USP40: variants seen among roughly 807,000 people sequenced by gnomAD.
The protein encoded by USP40 is ubiquitin specific peptidase 40, also known as ubiquitin carboxyl-terminal hydrolase 40.
USP40 carries 143 observed loss-of-function variants against 166.2 expected under a neutral mutation model. That is an observed-to-expected ratio of 0.86 (90% CI 0.75 to 0.99). The LOEUF is 0.99. USP40 is among the 50% of genes least tolerant of loss of function. The pLI is 0.00. For missense variants in USP40, 1,444 were observed against 1,479.7 expected, an observed-to-expected ratio of 0.98 and a Z score of 0.40; for synonymous variants, 498 against 524.0, an observed-to-expected ratio of 0.95 and a Z score of 0.68.
rs907762289 is a variant in USP40 at position 233,480,441 on chromosome 2, A to G, written c.3599+762T>C. Among the ~76,000 whole-genome samples, 1 of 152,090 alleles carries G rather than the reference A, an allele frequency of 6.6e-6. No homozygotes were observed. Among genetic ancestry groups the G allele is most frequent in the Non-Finnish European group, 1.5e-5 (1 of 68,022 alleles). Reference sequence around the variant, plus strand: ...GCTGATGCCACGGGCAGGTCCTGGGACTTGTGGTGGTGGTGAGCTGAGCAG... The same window carrying G: ...GCTGATGCCACGGGCAGGTCCTGGGGCTTGTGGTGGTGGTGAGCTGAGCAG... On this transcript the variant is annotated intron_variant, in intron 31 of 31. Transcript: ENST00000678225. This position sits in a 1 kb window ranked among gnomAD's most constrained non-coding sequence, Gnocchi z 4.5.
At chr2:233,478,481 C>G (rs2064329233) in intron 31 of USP40, among the ~76,000 whole-genome samples, 1 of 152,226 alleles carries the variant, frequency 6.6e-6, no homozygotes, top group African/African-American at 2.4e-5. Flanking sequence ...TTTCTATGAA[C>G]TGTTCATACC....
At chr2:233,549,053 A>G (rs1180555977) in intron 8 of USP40, 48 bp downstream of exon 8, 4 of 1,531,542 alleles carry the variant, frequency 2.6e-6, no homozygotes, top group Non-Finnish European at 3.5e-6. Context: ...AATAATAGGA[A>G]TAGAAAAGAA....
chr2:233,565,132 A>AT (rs796789295), intron 2 of USP40, among the ~76,000 whole-genome samples: 2 of 152,272 alleles, frequency 1.3e-5, no homozygotes, highest in African/African-American at 4.8e-5. Context: ...ATATTGCTTT[A>AT]TTTTTTTACT....
chr2:233,561,114 T>C (rs763451863), intron 3 of USP40: 10 of 1,544,552 alleles, frequency 6.5e-6, no homozygotes, highest in African/African-American at 1.4e-5. Flanking sequence ...TTAAAAAAAA[T>C]TTTCTGAATA....
intron 21 of USP40, among the ~76,000 whole-genome samples, chr2:233,506,213 A>G (rs1273413616): frequency 6.6e-6 from 1 of 152,186 alleles, no homozygotes; most frequent in Admixed American, 6.5e-5. Context: ...CAGCCAACTA[A>G]TTTTTGATAG....
intron 21 of USP40, among the ~76,000 whole-genome samples, chr2:233,504,527 A>C (rs1293182894): frequency 6.6e-6 from 1 of 152,010 alleles, no homozygotes; most frequent in Admixed American, 6.5e-5. Flanking sequence ...TAACTCAAAA[A>C]CTGTAAAAGG....
At chr2:233,544,093 G>C (rs1463075923) in intron 8 of USP40, among the ~76,000 whole-genome samples, 2 of 152,080 alleles carry the variant, frequency 1.3e-5, no homozygotes, top group African/African-American at 2.4e-5. Context: ...GGAGTCCCTA[G>C]GGTACTCACA....
intron 24 of USP40, among the ~76,000 whole-genome samples, chr2:233,495,495 G>A (rs1006956669): frequency 1.3e-5 from 2 of 151,806 alleles, no homozygotes; most frequent in East Asian, 1.9e-4. Context: ...GAGCTCAAGC[G>A]ATTTGCCTGC....
intron 21 of USP40, among the ~76,000 whole-genome samples, chr2:233,506,686 G>A (rs776820329): frequency 6.9e-6 from 1 of 145,254 alleles, no homozygotes; most frequent in African/African-American, 2.6e-5. Context: ...CTTGAGTTCA[G>A]TAGTTCAAGA....
At chr2:233,558,633 G>A (rs1034709670) in intron 4 of USP40, among the ~76,000 whole-genome samples, 2 of 152,162 alleles carry the variant, frequency 1.3e-5, no homozygotes, top group African/African-American at 2.4e-5. Context: ...TACTGCTAAC[G>A]GGTATGGAGT....
At chr2:233,494,919 TATA>T (rs1559223976) in intron 24 of USP40, among the ~76,000 whole-genome samples, 3,735 of 79,702 alleles carry the variant, frequency 0.047, 223 homozygotes, top group East Asian at 0.051. Flanking sequence ...AAATGGCATA[TATA>T]TATATATATA....
chr2:233,512,800 C>G (rs1575265605), intron 18 of USP40, 178 bp from the exon 19 acceptor site: 1 of 325,068 alleles, frequency 3.1e-6, no homozygotes. Context: ...AAACCAAAAA[C>G]CCCCCAACAA....
intron 30 of USP40, among the ~76,000 whole-genome samples, chr2:233,484,584 C>T (rs895585204): frequency 1.6e-4 from 24 of 151,962 alleles, no homozygotes; most frequent in African/African-American, 5.1e-4. Flanking sequence ...TCATCCCTAG[C>T]GATCCTCCTA....
intron 1 of USP40, 51 bp from the exon 2 acceptor site, chr2:233,565,624 C>CA: frequency 6.9e-7 from 1 of 1,444,538 alleles, no homozygotes; most frequent in Non-Finnish European, 9.3e-7. Flanking sequence ...AAATTTTCCC[C>CA]AAATCCCCCT....
Position 233,512,509 on chromosome 2 carries a change from A to G in USP40, c.2437+60T>C. The G allele has an allele frequency of 2.5e-6, 3 of 1,221,302 alleles. 1 individual carries two copies. In the South Asian group the frequency reaches 4.8e-5, roughly 20 times the overall value. 75.7% of individuals were successfully genotyped at this position (1,221,302 alleles called of 1,614,324 possible). A position where few individuals can be genotyped will look rare whatever the true frequency, so the allele number is the denominator to read the frequency against. ...TAAATATTAGGTATTGGAGGCCACT[A>G]TTTATCAAGAAAGACAGACGAGTAT... On this transcript the variant is annotated intron_variant, in intron 19 of 31. Coordinates refer to ENST00000678225, the MANE Select transcript of USP40 (RefSeq NM_001365479.2).
intron 4 of USP40, among the ~76,000 whole-genome samples, chr2:233,558,340 C>A: frequency 2.0e-5 from 3 of 148,936 alleles, no homozygotes; most frequent in African/African-American, 2.5e-5. Context: ...TTATCAAAAA[C>A]AAAGAAAAAT....
intron 8 of USP40, among the ~76,000 whole-genome samples, chr2:233,548,713 C>T (rs1405241902): frequency 6.6e-6 from 1 of 152,046 alleles, no homozygotes; most frequent in African/African-American, 2.4e-5. Flanking sequence ...AGATAACATC[C>T]TTGGTTTTAG....
At chr2:233,550,870 T>C (rs569309796) in intron 7 of USP40, among the ~76,000 whole-genome samples, 4 of 152,194 alleles carry the variant, frequency 2.6e-5, no homozygotes, top group Admixed American at 6.5e-5. Flanking sequence ...CATAAATTCA[T>C]CATTACATGT....
chr2:233,498,420 C>G (rs1364839839), intron 23 of USP40, 128 bp downstream of exon 23: 2 of 795,404 alleles, frequency 2.5e-6, no homozygotes, highest in African/African-American at 3.5e-5. Flanking sequence ...GTAAAATAGA[C>G]CCATTCATAG....
Sources: allele counts gnomAD v4.1 joint callset (sites outside exome capture counted in the v4.1 genomes callset), GRCh38; gene constraint gnomAD v4.1.1; non-coding constraint Gnocchi (gnomAD v3.1); transcripts MANE v1.5; gene names NCBI Gene and HGNC (gene_info 2026-07-23, HGNC 2026-07-21).